The following CXXC1 variants were observed in gnomAD, a reference collection of about 807,000 sequenced individuals.
CXXC1 encodes the protein CXXC-type zinc finger protein 1.
In CXXC1, 21 loss-of-function variants were observed where a neutral mutation model predicts 83.6. The observed-to-expected ratio is 0.25, with a 90% confidence interval of 0.18 to 0.36. The LOEUF is 0.36. Among genes scored for constraint, CXXC1 ranks in the 10% least tolerant of loss-of-function variants. The pLI is 1.00. For synonymous variants in CXXC1, 371 were observed against 337.5 expected, an observed-to-expected ratio of 1.10 and a Z score of -1.09; for missense variants, 688 against 919.5, an observed-to-expected ratio of 0.75 and a Z score of 3.26.
In CXXC1 at chr18:50,285,176, C is replaced by A; in HGVS notation, c.738G>T (p.Gln246His). 1 of 1,614,210 alleles carries A rather than the reference C, an allele frequency of 6.2e-7. No individual in the cohort carries two copies. The change falls in exon 7 of 15, where the codon CAG (glutamine) becomes CAT (histidine). Residue 246 changes from glutamine (Q) to histidine (H), a missense_variant. Around this residue, in one of 9 missense-constraint regions of CXXC1, gnomAD observed 190 missense variants for 199.7 expected, o/e 0.95. Transcript: ENST00000285106. The surrounding 1 kb of genome is among the most constrained non-coding windows in gnomAD (Gnocchi z 4.4). The stretch of plus-strand genomic sequence containing the variant: ...GGATGCGCCCTAACTTCTGTGATGG[C>A]TGTGGCTGCTGTTGGGTGGGCAGTG... Reference protein sequence around the residue: ...RRPLPTQQQPQPSQKLGRIRE... With the variant: ...RRPLPTQQQPHPSQKLGRIRE...
In CXXC1 at chr18:50,283,685, CCTCAGT is replaced by C. The variant is rs1436048741; in HGVS notation, c.1524+14_1524+19del. 9 of 1,613,030 alleles carry C rather than the reference CCTCAGT, an allele frequency of 5.6e-6. No homozygotes were observed. The highest frequency in any genetic ancestry group is 7.6e-6 in the Non-Finnish European group (9 of 1,179,140). ...ACTGATGTTCCCACATGGTCCGCCC[CCTCAGT>C]CTGACACCCCAACCTTGGCGTAGCA... On this transcript the variant is annotated intron_variant, in intron 11 of 14. Coordinates refer to ENST00000285106, the MANE Select transcript of CXXC1 (RefSeq NM_014593.4).
At position 50,286,858 on chromosome 18, in the gene CXXC1, C is replaced by T. The variant is rs2040723286; in HGVS notation, c.4G>A (p.Glu2Lys). 6.2e-6 allele frequency: 10 copies of T among 1,604,312 alleles called. No individual in the cohort carries two copies. The highest frequency in any genetic ancestry group is 6.8e-6 in the Non-Finnish European group (8 of 1,171,294). MEGDGSDPEPPD... is the reference protein window; with the variant it reads MKGDGSDPEPPD... ...GGCTCTGGGTCTGAACCATCTCCCT[C>T]CTGCAGGACACCCCCATTACGGATC... Residue 2 changes from glutamate to lysine, a missense_variant and splice_region_variant, in exon 2 of 15, where the codon GAG becomes AAG. Glu to Lys is a moderately conservative substitution (Grantham distance 56). Around this residue, in one of 9 missense-constraint regions of CXXC1, gnomAD observed 51 missense variants for 48.0 expected, o/e 1.06. Coordinates refer to ENST00000285106, the MANE Select transcript of CXXC1 (RefSeq NM_014593.4).
Position 50,285,488 on chromosome 18 carries a change from C to G in CXXC1, c.640-137G>C. On this transcript the variant is annotated intron_variant, in intron 5 of 14. Transcript: ENST00000285106. The surrounding 1 kb of genome is among the most constrained non-coding windows in gnomAD (Gnocchi z 4.4). ...CCCCTCATTGCCAGGAATGCTCAGC[C>G]CTGCCTGATCTGTACCAACATGCAT... The G allele has an allele frequency of 2.6e-6, 3 of 1,159,864 alleles. No individual in the cohort carries two copies. Among genetic ancestry groups the G allele is most frequent in the Non-Finnish European group, 3.6e-6 (3 of 830,964 alleles). 71.8% of individuals were successfully genotyped at this position (1,159,864 alleles called of 1,614,324 possible). A position where few individuals can be genotyped will look rare whatever the true frequency, so the allele number is the denominator to read the frequency against.
chr18:50,286,130 G>T lies in CXXC1; in HGVS notation c.351C>A (p.Asp117Glu), dbSNP rs2040709592. 1 of 1,614,008 alleles carries T rather than the reference G, an allele frequency of 6.2e-7. No homozygotes were observed. The highest frequency in any genetic ancestry group is 1.3e-5 in the African/African-American group (1 of 75,044). ...GGRKRPVPDP[D>E]LQRRAGSGTG... is the part of the protein sequence containing the mutation. ...TCCCTGACCCTGCCCGGCGCTGCAG[G>T]TCTGGATCAGGGACAGGCCTCTTGC... is the stretch of plus-strand genomic sequence containing the variant. The change falls in exon 4 of 15, where the codon GAC (aspartate) becomes GAA (glutamate). Residue 117 changes from aspartate to glutamate, a missense_variant. Around this residue, in one of 9 missense-constraint regions of CXXC1, gnomAD observed 142 missense variants for 150.7 expected, o/e 0.94. Transcript: ENST00000285106.
At position 50,282,470 on chromosome 18, in the gene CXXC1, C is replaced by T; in HGVS notation, c.*123G>A. Reference sequence around the variant, plus strand: ...AGTCCCTCTGATAAAGGCAGATGGGCGGTCAACCGGTGGATGGGCACAGGG... The same window carrying T: ...AGTCCCTCTGATAAAGGCAGATGGGTGGTCAACCGGTGGATGGGCACAGGG... On this transcript the variant is annotated 3_prime_UTR_variant, in exon 15 of 15. Coordinates refer to ENST00000285106, the MANE Select transcript of CXXC1 (RefSeq NM_014593.4). The surrounding 1 kb of genome is among the most constrained non-coding windows in gnomAD (Gnocchi z 5.8). 3 of 1,255,816 alleles carry T rather than the reference C, an allele frequency of 2.4e-6. No individual in the cohort carries two copies. Among genetic ancestry groups the T allele is most frequent in the South Asian group, 1.3e-5 (1 of 75,394 alleles). The allele number at this position is 1,255,816 out of a possible 1,614,324, so 77.8% of individuals were successfully genotyped here. A position where few individuals can be genotyped will look rare whatever the true frequency, so the allele number is the denominator to read the frequency against.
intron 13 of CXXC1, 128 bp from the exon 14 acceptor site, chr18:50,283,134 T>C (rs2040600742): frequency 7.8e-7 from 1 of 1,284,600 alleles, no homozygotes; most frequent in Non-Finnish European, 1.1e-6. Flanking sequence ...AAAGGAGGAA[T>C]GGAGGGTGAA....
Position 50,284,813 on chromosome 18 carries a change from G to A in CXXC1, c.939C>T (p.Ser313=), listed in dbSNP as rs747740260. Residue 313 remains serine, a synonymous_variant, in exon 8 of 15, where the codon TCC becomes TCT. Transcript: ENST00000285106. Reference sequence around the variant, plus strand: ...TCCGCAGCGCGGGGTCCAGGAATGGGGACTCTTCTGTGTCGCTCATCCAGG... The same window carrying A: ...TCCGCAGCGCGGGGTCCAGGAATGGAGACTCTTCTGTGTCGCTCATCCAGG... ...GLPWMSDTEE[S]PFLDPALRKR... 6.2e-7 allele frequency: 1 copy of A among 1,614,050 alleles called. No homozygotes were observed. The highest frequency in any genetic ancestry group is 8.5e-7 in the Non-Finnish European group (1 of 1,180,052).
At chr18:50,284,583 G>C in intron 8 of CXXC1, 21 bp from the exon 9 acceptor site, 1 of 1,582,776 alleles carries the variant, frequency 6.3e-7, no homozygotes, top group Non-Finnish European at 8.6e-7. Flanking sequence ...AGACAAGTCA[G>C]GTCAGGGTGG....
chr18:50,287,634 C>T lies in CXXC1; in HGVS notation c.-45G>A. On this transcript the variant is annotated 5_prime_UTR_variant, in exon 1 of 15. Transcript: ENST00000285106. ...TCCCTCACGACCCCCGCCAGCGACC[C>T]GCGAACCTGCACAGACCACTCGGCG... The T allele has an allele frequency of 3.1e-6, 5 of 1,608,296 alleles. No individual in the cohort carries two copies. Among genetic ancestry groups the T allele is most frequent in the Non-Finnish European group, 4.2e-6 (5 of 1,179,732 alleles).
At chr18:50,286,473 C>A in intron 3 of CXXC1, 66 bp downstream of exon 3, 1 of 1,350,482 alleles carries the variant, frequency 7.4e-7, no homozygotes, top group Admixed American at 1.7e-5. Flanking sequence ...CCCATAACCC[C>A]CCCTTGTGGC....
rs566976318 is a variant in CXXC1 at position 50,282,978 on chromosome 18, G to A, written c.1700C>T (p.Pro567Leu). Residue 567 changes from proline (P) to leucine (L), a missense_variant, in exon 14 of 15, where the codon CCC becomes CTC. By Grantham distance (98) the Pro-to-Leu change is moderately conservative. This residue lies in a region of CXXC1 where 114 missense variants were observed against 173.3 expected (regional missense o/e 0.66). Coordinates refer to ENST00000285106, the MANE Select transcript of CXXC1 (RefSeq NM_014593.4). This position sits in a 1 kb window ranked among gnomAD's most constrained non-coding sequence, Gnocchi z 5.8. ...GAGCTCAAAGACATCACGTACAAGG[G>A]GGCACCCGCATACCTCGTCAGCTGG... ...KVPADEVCGCPLVRDVFELTG... is the reference protein window; with the variant it reads ...KVPADEVCGCLLVRDVFELTG... 1 of 1,614,144 alleles carries A rather than the reference G, an allele frequency of 6.2e-7. No homozygotes were observed. The highest frequency in any genetic ancestry group is 8.5e-7 in the Non-Finnish European group (1 of 1,180,034).
chr18:50,282,619 C>T lies in CXXC1; in HGVS notation c.1945G>A (p.Asp649Asn). The change falls in exon 15 of 15, where the codon GAC becomes AAC. Residue 649 changes from aspartate to asparagine, a missense_variant. By Grantham distance (23) the Asp-to-Asn change is conservative. This residue lies in a region of CXXC1 where 34 missense variants were observed against 27.0 expected (regional missense o/e 1.26). Transcript: ENST00000285106. This position sits in a 1 kb window ranked among gnomAD's most constrained non-coding sequence, Gnocchi z 5.8. ...QTIQHDPLTT[D>N]LRSSADR Reference sequence around the variant, plus strand: ...CAGCGGTCGGCACTGGAGCGCAGGTCGGTAGTGAGGGGATCGTGCTGGATC... The same window carrying T: ...CAGCGGTCGGCACTGGAGCGCAGGTTGGTAGTGAGGGGATCGTGCTGGATC... 14 of 1,611,282 alleles carry T rather than the reference C, an allele frequency of 8.7e-6. No individual in the cohort carries two copies. The highest frequency in any genetic ancestry group is 1.3e-5 in the African/African-American group (1 of 75,054).
chr18:50,283,246 A>T lies in CXXC1; in HGVS notation c.1671+19T>A. ...CAGGGAGGAGGGGCAAAATGGGAGG[A>T]GCTGAGGGAAAACCTTACTTTGGGG... On this transcript the variant is annotated intron_variant, in intron 13 of 14. Coordinates refer to ENST00000285106, the MANE Select transcript of CXXC1 (RefSeq NM_014593.4). 1 of 1,602,002 alleles carries T rather than the reference A, an allele frequency of 6.2e-7. No homozygotes were observed. The highest frequency in any genetic ancestry group is 2.2e-5 in the East Asian group (1 of 44,806).
intron 11 of CXXC1, 31 bp downstream of exon 11, chr18:50,283,674 A>G: frequency 1.2e-6 from 2 of 1,611,152 alleles, no homozygotes; most frequent in Non-Finnish European, 1.7e-6. Context: ...ATGTTCCCAC[A>G]TGGTCCGCCC....
rs1422149604 is a variant in CXXC1 at position 50,282,828 on chromosome 18, A to G, written c.1824+26T>C. 1.2e-6 allele frequency: 2 copies of G among 1,613,128 alleles called. No homozygotes were observed. The highest frequency in any genetic ancestry group is 1.7e-6 in the Non-Finnish European group (2 of 1,179,140). ...TCCGACATGGAAACCTACCACATGC[A>G]GCACCAAAACCGCACAGAAACCTAC... is the stretch of plus-strand genomic sequence containing the variant. On this transcript the variant is annotated intron_variant, in intron 14 of 14. Coordinates refer to ENST00000285106, the MANE Select transcript of CXXC1 (RefSeq NM_014593.4). The surrounding 1 kb of genome is among the most constrained non-coding windows in gnomAD (Gnocchi z 5.8).
chr18:50,284,581 C>T lies in CXXC1; in HGVS notation c.1021-19G>A, dbSNP rs1457642343. Reference sequence around the variant, plus strand: ...CCTCCTTCTGTTGAGCAAGACAAGTCAGGTCAGGGTGGAGTCAAAGTCAGC... The same window carrying T: ...CCTCCTTCTGTTGAGCAAGACAAGTTAGGTCAGGGTGGAGTCAAAGTCAGC... On this transcript the variant is annotated intron_variant, in intron 8 of 14. Transcript: ENST00000285106. 6.3e-7 allele frequency: 1 copy of T among 1,581,506 alleles called. No homozygotes were observed. Among genetic ancestry groups the T allele is most frequent in the Non-Finnish European group, 8.6e-7 (1 of 1,161,528 alleles).
chr18:50,282,901 A>G lies in CXXC1; in HGVS notation c.1777T>C (p.Trp593Arg). 6.2e-7 allele frequency: 1 copy of G among 1,614,196 alleles called. No homozygotes were observed. The highest frequency in any genetic ancestry group is 8.5e-7 in the Non-Finnish European group (1 of 1,180,032). Residue 593 changes from tryptophan to arginine, a missense_variant, in exon 14 of 15, where the codon TGG (tryptophan) becomes CGG (arginine). Physicochemically the swap from Trp to Arg is moderately radical, Grantham distance 101. Transcript: ENST00000285106. The surrounding 1 kb of genome is among the most constrained non-coding windows in gnomAD (Gnocchi z 5.8). ...PKRQCNRHYC[W>R]EKLRRAEVDL... ...ACTTCCGCACGCCGCAGCTTCTCCCAGCAGTAATGGCGATTGCACTGGCGC... is the reference window on the plus strand; with the variant it reads ...ACTTCCGCACGCCGCAGCTTCTCCCGGCAGTAATGGCGATTGCACTGGCGC...
At chr18:50,283,036 T>G in intron 13 of CXXC1, 30 bp from the exon 14 acceptor site, 5 of 1,611,168 alleles carry the variant, frequency 3.1e-6, no homozygotes, top group Non-Finnish European at 4.2e-6. Flanking sequence ...GGGGGATGAA[T>G]AGCGGTGATA....
At chr18:50,283,660 A>C (rs1322485991) in intron 11 of CXXC1, 45 bp downstream of exon 11, 1 of 1,609,186 alleles carries the variant, frequency 6.2e-7, no homozygotes, top group Non-Finnish European at 8.5e-7. Context: ...CCACTGGCCC[A>C]CTGATGTTCC....
Sources: gnomAD v4.1 joint callset for allele counts on GRCh38, gnomAD v4.1.1 for gene constraint, gnomAD v4.1.1 regional missense constraint, Gnocchi (gnomAD v3.1) non-coding constraint, MANE v1.5 for transcripts, NCBI Gene and HGNC (gene_info 2026-07-23, HGNC 2026-07-21) for gene names.